The following TMPRSS13 variants were observed in gnomAD, a reference collection of about 807,000 sequenced individuals.
TMPRSS13 encodes the protein transmembrane protease serine 13.
In TMPRSS13, 50 loss-of-function variants were observed where a neutral mutation model predicts 68.4. The ratio of observed to expected loss-of-function variants is 0.73; its 90% CI spans 0.58 to 0.93. TMPRSS13 has a LOEUF of 0.93. TMPRSS13 is among the 40% of genes least tolerant of loss of function. The pLI is 0.00. For missense variants in TMPRSS13, 615 were observed against 729.2 expected, an observed-to-expected ratio of 0.84 and a Z score of 1.80; for synonymous variants, 267 against 285.8, an observed-to-expected ratio of 0.93 and a Z score of 0.66.
intron 1 of TMPRSS13, among the ~76,000 whole-genome samples, chr11:117,921,350 T>C (rs1447552402): frequency 6.6e-6 from 1 of 152,196 alleles, no homozygotes; most frequent in Non-Finnish European, 1.5e-5. Context: ...ATCCCCAGTT[T>C]GTACACAAGG....
intron 1 of TMPRSS13, among the ~76,000 whole-genome samples, chr11:117,924,161 T>C (rs886682647): frequency 2.1e-4 from 3 of 14,614 alleles, no homozygotes; most frequent in Non-Finnish European, 1.4e-3. Flanking sequence ...CTAGGCAACA[T>C]AGCAAGACCC....
intron 12 of TMPRSS13, 100 bp downstream of exon 12, chr11:117,903,555 C>T: frequency 5.7e-6 from 9 of 1,588,686 alleles, no homozygotes; most frequent in Non-Finnish European, 6.9e-6. Context: ...TATGGGGACG[C>T]TGAGGGGACC....
intron 1 of TMPRSS13, among the ~76,000 whole-genome samples, chr11:117,919,219 G>C (rs77161927): frequency 0.038 from 5,777 of 152,288 alleles, 336 homozygotes; most frequent in African/African-American, 0.13. Flanking sequence ...GTCCCCCATG[G>C]GGAAAGCAAA....
rs140942098 is a variant in TMPRSS13, at chr11:117,920,632, G to A, written c.22-1794C>T. On this transcript the variant is annotated intron_variant, in intron 1 of 12. Transcript: ENST00000524993. ...GCCTCCCGAGAAGCTGGGATTATAT[G>A]CACCCGCCACCACACCCGGTTAATT... Among the ~76,000 whole-genome samples the A allele has an allele frequency of 9.0e-4, 137 of 152,204 alleles. 1 individual carries two copies. The highest frequency in any genetic ancestry group is 3.3e-3 in the African/African-American group (135 of 41,516).
intron 5 of TMPRSS13, 23 bp downstream of exon 5, chr11:117,913,754 T>C: frequency 6.2e-7 from 1 of 1,612,756 alleles, no homozygotes; most frequent in African/African-American, 1.3e-5. Flanking sequence ...AAGCCTGGAC[T>C]CTGGGGCCAG....
chr11:117,902,753 C>T (rs2057420721), intron 12 of TMPRSS13, among the ~76,000 whole-genome samples: 1 of 152,232 alleles, frequency 6.6e-6, no homozygotes, highest in Admixed American at 6.5e-5. Context: ...TTATTCTTTT[C>T]ATTTATTTGT....
At chr11:117,903,443 C>T (rs370645131) in intron 12 of TMPRSS13, 122 of 1,536,598 alleles carry the variant, frequency 7.9e-5, no homozygotes, top group Middle Eastern at 3.3e-4. Flanking sequence ...TTTTTCAACC[C>T]GCTGAGCTCT....
At chr11:117,917,144 A>C (rs1035856360) in intron 3 of TMPRSS13, 26 bp downstream of exon 3, 2 of 1,594,948 alleles carry the variant, frequency 1.3e-6, no homozygotes, top group Non-Finnish European at 1.7e-6. Context: ...CCCAGAACCC[A>C]CCCCTGCACC....
intron 10 of TMPRSS13, among the ~76,000 whole-genome samples, chr11:117,904,348 C>T (rs1287089392): frequency 2.0e-5 from 3 of 152,220 alleles, no homozygotes; most frequent in Non-Finnish European, 4.4e-5. Flanking sequence ...TCCATGCACA[C>T]AGACACACTC....
At chr11:117,913,962 C>T (rs2057547666) in intron 4 of TMPRSS13, 56 bp from the exon 5 acceptor site, 33 of 1,590,404 alleles carry the variant, frequency 2.1e-5, no homozygotes, top group Non-Finnish European at 2.7e-5. Flanking sequence ...GCATCAAGCT[C>T]TTGGGGGATG....
At position 117,918,768 on chromosome 11, in the gene TMPRSS13, G is replaced by A. The variant is rs2134911737; in HGVS notation, c.92C>T (p.Pro31Leu). Reference sequence around the variant, plus strand: ...TGCCTGGGCTGGAGATGCCCGGCCTGGAGGTGTCCCAGCTGGAGATGCCTG... The same window carrying A: ...TGCCTGGGCTGGAGATGCCCGGCCTAGAGGTGTCCCAGCTGGAGATGCCTG... ...PAQASPAGTP[P>L]GRASPAQASP... The change falls in exon 2 of 13, where the codon CCA becomes CTA. Residue 31 changes from proline (P) to leucine (L), a missense_variant. By Grantham distance (98) the Pro-to-Leu change is moderately conservative. Coordinates refer to ENST00000524993, the MANE Select transcript of TMPRSS13 (RefSeq NM_001077263.3). The A allele has an allele frequency of 1.2e-6, 2 of 1,613,194 alleles. No individual in the cohort carries two copies. The highest frequency in any genetic ancestry group is 2.2e-5 in the East Asian group (1 of 44,868).
chr11:117,928,991 C>T (rs542207011), intron 1 of TMPRSS13, among the ~76,000 whole-genome samples: 89 of 152,264 alleles, frequency 5.8e-4, no homozygotes, highest in African/African-American at 2.0e-3. Context: ...TATGGATGCC[C>T]GGCAGGAGTG....
chr11:117,923,604 C>T (rs2057668586), intron 1 of TMPRSS13, among the ~76,000 whole-genome samples: 1 of 152,058 alleles, frequency 6.6e-6, no homozygotes, highest in Non-Finnish European at 1.5e-5. Flanking sequence ...GTGTGAACCA[C>T]CCTATAAAAA....
In TMPRSS13 at chr11:117,904,091, G is replaced by A. The variant is rs2057438222; in HGVS notation, c.1392C>T (p.Ser464=). ...TGACCTGCACCTCCCGGAGGAAGGG[G>A]GATGTCTTGTCTTCAGTGAAGTGGG... is the stretch of plus-strand genomic sequence containing the variant. The part of the protein sequence containing the change: ...GKTRETDDKT[S]PFLREVQVNL... Residue 464 remains serine, a synonymous_variant, in exon 11 of 13, where the codon TCC becomes TCT. Transcript: ENST00000524993. 2 of 1,613,828 alleles carry A rather than the reference G, an allele frequency of 1.2e-6. No homozygotes were observed. The highest frequency in any genetic ancestry group is 8.5e-7 in the Non-Finnish European group (1 of 1,179,902).
At chr11:117,916,825 G>A (rs1018503679) in intron 3 of TMPRSS13, among the ~76,000 whole-genome samples, 2 of 152,148 alleles carry the variant, frequency 1.3e-5, no homozygotes, top group Admixed American at 6.5e-5. Flanking sequence ...GAGAACTTAC[G>A]GGACACATAG....
At chr11:117,923,687 G>A (rs1478632528) in intron 1 of TMPRSS13, among the ~76,000 whole-genome samples, 1 of 152,114 alleles carries the variant, frequency 6.6e-6, no homozygotes, top group Non-Finnish European at 1.5e-5. Flanking sequence ...GCCTGTCGGG[G>A]AGTGGGGAGA....
chr11:117,908,658 G>C lies in TMPRSS13; in HGVS notation c.1236C>G (p.Asp412Glu). The change falls in exon 9 of 13, where the codon GAC becomes GAG. Residue 412 changes from aspartate (D) to glutamate (E), a missense_variant. Transcript: ENST00000524993. ...ACAGCCGCATGAGGGCGATGTCATAGTCGTCCTCCTCATCGGTGTAATTGC... is the reference window on the plus strand; with the variant it reads ...ACAGCCGCATGAGGGCGATGTCATACTCGTCCTCCTCATCGGTGTAATTGC... ...INSNYTDEED[D>E]YDIALMRLSK... is the part of the protein sequence containing the mutation. The C allele has an allele frequency of 3.2e-6, 5 of 1,583,672 alleles. No homozygotes were observed. The highest frequency in any genetic ancestry group is 4.3e-6 in the Non-Finnish European group (5 of 1,165,742).
chr11:117,921,439 G>A (rs1459758304), intron 1 of TMPRSS13, among the ~76,000 whole-genome samples: 1 of 152,190 alleles, frequency 6.6e-6, no homozygotes, highest in Non-Finnish European at 1.5e-5. Flanking sequence ...TAGCACAGTC[G>A]TCTCATTCCC....
chr11:117,903,838 T>C lies in TMPRSS13; in HGVS notation c.1525-31A>G, dbSNP rs753163191. 4.4e-6 allele frequency: 7 copies of C among 1,605,350 alleles called. No individual in the cohort carries two copies. In the African/African-American group the frequency reaches 5.3e-5, roughly 12 times the overall value. On this transcript the variant is annotated intron_variant, in intron 11 of 12. Transcript: ENST00000524993. ...GGGGAGAGGGGGCACATTCGCAGGA[T>C]GGGACAGGTGGTCCATGAGCGGGAA... is the stretch of plus-strand genomic sequence containing the variant.
Sources: allele counts gnomAD v4.1 joint callset (sites outside exome capture counted in the v4.1 genomes callset), GRCh38; gene constraint gnomAD v4.1.1; transcripts MANE v1.5; gene names NCBI Gene and HGNC (gene_info 2026-07-23, HGNC 2026-07-21).